NCOA2: variants seen among roughly 807,000 people sequenced by gnomAD.
NCOA2 encodes the protein class E basic helix-loop-helix protein 75.
NCOA2 carries 21 observed loss-of-function variants against 145.1 expected under a neutral mutation model. The observed-to-expected ratio is 0.14, with a 90% confidence interval of 0.10 to 0.21. The LOEUF (loss-of-function observed/expected upper bound fraction) is 0.21. NCOA2 is among the 10% of genes least tolerant of loss of function. The probability of loss-of-function intolerance (pLI) is 1.00; values close to 1 mark genes in which losing one functional copy is unlikely to be tolerated. For missense variants in NCOA2, 1,472 were observed against 1,837.6 expected (o/e 0.80, Z 3.64); for synonymous variants, 619 against 637.5 (o/e 0.97, Z 0.44).
At chr8:70,135,080 T>G (rs1809577179) in intron 15 of NCOA2, among the ~76,000 whole-genome samples, 1 of 152,128 alleles carries the variant, frequency 6.6e-6, no homozygotes, top group Admixed American at 6.5e-5. Flanking sequence ...TTCCCAAACT[T>G]AATGTTCATG....
intron 4 of NCOA2, among the ~76,000 whole-genome samples, chr8:70,195,205 A>G (rs2133363192): frequency 6.6e-6 from 1 of 152,324 alleles, no homozygotes; most frequent in South Asian, 2.1e-4. Flanking sequence ...AGTATATGTG[A>G]CAGACTTTGC....
chr8:70,212,861 T>A (rs1009166669), intron 4 of NCOA2, among the ~76,000 whole-genome samples: 1 of 151,924 alleles, frequency 6.6e-6, no homozygotes, highest in African/African-American at 2.4e-5. Context: ...GCAGGAGGGT[T>A]GCTTGAGGTC....
chr8:70,129,018 A>G (rs1054158511), intron 16 of NCOA2, 38 bp from the exon 17 acceptor site: 1 of 1,545,470 alleles, frequency 6.5e-7, no homozygotes, highest in Non-Finnish European at 8.8e-7. Flanking sequence ...AAATAATTAA[A>G]CCATAAAAAC....
chr8:70,244,191 C>A (rs934064949), intron 2 of NCOA2, among the ~76,000 whole-genome samples: 1 of 152,064 alleles, frequency 6.6e-6, no homozygotes, highest in Non-Finnish European at 1.5e-5. Context: ...TGGAAACATA[C>A]ATACACTTCA....
chr8:70,141,843 T>A (rs543213659), intron 13 of NCOA2, among the ~76,000 whole-genome samples: 1 of 152,366 alleles, frequency 6.6e-6, no homozygotes, highest in East Asian at 1.9e-4. Flanking sequence ...GAAGTCTATA[T>A]GAGACTTTAT....
At position 70,378,418 on chromosome 8, in the gene NCOA2, G is replaced by C. The variant is rs139832244; in HGVS notation, c.-77+25282C>G. Among the ~76,000 whole-genome samples, 999 of 152,210 alleles carry C rather than the reference G, an allele frequency of 6.6e-3. 5 individuals carry two copies. Among genetic ancestry groups the C allele is most frequent in the Non-Finnish European group, 0.01 (700 of 68,010 alleles). On this transcript the variant is annotated intron_variant, in intron 1 of 22. Coordinates refer to ENST00000452400, the MANE Select transcript of NCOA2 (RefSeq NM_006540.4). ...TAGAGTCATAGGTAGAAATGGGAAG[G>C]AACACCTAACCCAACGCCATTATAA...
At chr8:70,356,122 G>A (rs1809663834) in intron 1 of NCOA2, among the ~76,000 whole-genome samples, 1 of 152,024 alleles carries the variant, frequency 6.6e-6, no homozygotes, top group African/African-American at 2.4e-5. Flanking sequence ...GAATTTAGAA[G>A]GACTATGGGG....
chr8:70,328,963 T>C (rs996470637), intron 1 of NCOA2, among the ~76,000 whole-genome samples: 2 of 151,776 alleles, frequency 1.3e-5, no homozygotes, highest in Admixed American at 6.6e-5. Flanking sequence ...AATTTTTTTT[T>C]CCTTCTTAGA....
At chr8:70,322,809 G>T (rs970738893) in intron 1 of NCOA2, among the ~76,000 whole-genome samples, 5 of 152,172 alleles carry the variant, frequency 3.3e-5, no homozygotes, top group Non-Finnish European at 7.4e-5. Flanking sequence ...TGTAATCATT[G>T]TTGAAATTGC....
At chr8:70,164,969 C>T (rs545597170) in intron 7 of NCOA2, among the ~76,000 whole-genome samples, 105 of 152,256 alleles carry the variant, frequency 6.9e-4, no homozygotes, top group Non-Finnish European at 8.1e-4. Context: ...CGCAAACCTT[C>T]GGCAAAGCCA....
At chr8:70,365,912 A>G (rs932218334) in intron 1 of NCOA2, among the ~76,000 whole-genome samples, 4 of 152,238 alleles carry the variant, frequency 2.6e-5, no homozygotes, top group African/African-American at 9.6e-5. Context: ...CAGGCCCTTA[A>G]CAATCACCAG....
the NCOA2 span, among the ~76,000 whole-genome samples, chr8:70,420,358 T>C: frequency 6.6e-6 from 1 of 152,218 alleles, no homozygotes; most frequent in Admixed American, 6.5e-5. Flanking sequence ...TGGCTGAAAT[T>C]GGCTGAAAGT....
chr8:70,366,742 T>TAAA (rs34947410), intron 1 of NCOA2, among the ~76,000 whole-genome samples: 27 of 138,610 alleles, frequency 1.9e-4, no homozygotes, highest in African/African-American at 7.1e-4. Context: ...CCATTGGCTT[T>TAAA]AAAAAAAAAA....
At chr8:70,388,830 C>T (rs1220990200) in intron 1 of NCOA2, among the ~76,000 whole-genome samples, 4 of 152,060 alleles carry the variant, frequency 2.6e-5, no homozygotes, top group Admixed American at 6.5e-5. Flanking sequence ...TAAGTAAAAG[C>T]CTAGAATTCT....
At chr8:70,450,061 G>C in the NCOA2 span, among the ~76,000 whole-genome samples, 1 of 152,140 alleles carries the variant, frequency 6.6e-6, no homozygotes, top group Non-Finnish European at 1.5e-5. Flanking sequence ...TAACGTAAGA[G>C]GTTGGAAAGA....
At chr8:70,416,718 C>G in the NCOA2 span, among the ~76,000 whole-genome samples, 3 of 152,182 alleles carry the variant, frequency 2.0e-5, no homozygotes, top group African/African-American at 7.2e-5. Context: ...CAAGGGCTTT[C>G]ATGCTTTATC....
intron 2 of NCOA2, among the ~76,000 whole-genome samples, chr8:70,236,024 A>G (rs1284770118): frequency 1.3e-5 from 2 of 152,016 alleles, no homozygotes; most frequent in African/African-American, 4.8e-5. Context: ...CTAAGTGACT[A>G]CTCAGAAAAT....
chr8:70,125,924 T>C (rs1270046950), intron 19 of NCOA2, among the ~76,000 whole-genome samples: 1 of 152,198 alleles, frequency 6.6e-6, no homozygotes, highest in African/African-American at 2.4e-5. Flanking sequence ...ATTTTGAGGA[T>C]GGTATTAAGT....
intron 1 of NCOA2, among the ~76,000 whole-genome samples, chr8:70,363,110 A>G (rs1168583394): frequency 6.8e-6 from 1 of 146,518 alleles, no homozygotes; most frequent in African/African-American, 2.5e-5. Flanking sequence ...AAGGCCTGGC[A>G]CGGTGGCTCA....
Sources: gnomAD v4.1 joint callset for allele counts (sites outside exome capture counted in the v4.1 genomes callset) on GRCh38, gnomAD v4.1.1 for gene constraint, MANE v1.5 for transcripts, NCBI Gene and HGNC (gene_info 2026-07-23, HGNC 2026-07-21) for gene names.